Variants in CFAP61 observed in about 807,000 individuals in gnomAD.
The protein encoded by CFAP61 is cilia and flagella associated protein 61.
In CFAP61, 107 loss-of-function variants were observed where a neutral mutation model predicts 135.6. That is an observed-to-expected ratio of 0.79 (90% CI 0.67 to 0.93). The LOEUF (loss-of-function observed/expected upper bound fraction) is 0.93. Among genes scored for constraint, CFAP61 ranks in the 40% least tolerant of loss-of-function variants. The pLI, the probability that CFAP61 is intolerant of heterozygous loss-of-function variation, is 0.00. For missense variants in CFAP61, 1,507 were observed against 1,556.2 expected (o/e 0.97, Z 0.53); for synonymous variants, 575 against 578.5 (o/e 0.99, Z 0.09).
chr20:20,230,924 C>T (rs968106217), intron 18 of CFAP61, among the ~76,000 whole-genome samples: 11 of 152,188 alleles, frequency 7.2e-5, no homozygotes, highest in African/African-American at 2.7e-4. Flanking sequence ...AAAATCCACT[C>T]GAGGCTCAGG....
intron 25 of CFAP61, among the ~76,000 whole-genome samples, chr20:20,314,446 A>C (rs1423303801): frequency 6.6e-6 from 1 of 151,130 alleles, no homozygotes; most frequent in South Asian, 2.1e-4. Context: ...GAAACCATAA[A>C]CCATAGCAGT....
Position 20,359,380 on chromosome 20 carries a change from A to AGAG in CFAP61, c.3514-828_3514-826dup, listed in dbSNP as rs1245122554. On this transcript the variant is annotated intron_variant, in intron 26 of 26. Coordinates refer to ENST00000245957, the MANE Select transcript of CFAP61 (RefSeq NM_015585.4). The surrounding 1 kb of genome is among the most constrained non-coding windows in gnomAD (Gnocchi z 4.0). Reference sequence around the variant, plus strand: ...TTTTAAATTTTTTTATTTTTAAAACAGAGGCAGGGCGTGGTGGCTCATGCC... The same window carrying AGAG: ...TTTTAAATTTTTTTATTTTTAAAACAGAGGAGGCAGGGCGTGGTGGCTCATGCC... Among the ~76,000 whole-genome samples, 1 of 152,140 alleles carries AGAG rather than the reference A, an allele frequency of 6.6e-6. No homozygotes were observed. The highest frequency in any genetic ancestry group is 2.4e-5 in the African/African-American group (1 of 41,434).
intron 22 of CFAP61, among the ~76,000 whole-genome samples, chr20:20,286,694 A>G (rs6046785): frequency 2.6e-5 from 4 of 152,334 alleles, no homozygotes; most frequent in African/African-American, 9.6e-5. Flanking sequence ...CTTGTAACAC[A>G]TGTTCTTATT....
At chr20:20,271,757 A>G (rs1204119019) in intron 21 of CFAP61, among the ~76,000 whole-genome samples, 1 of 152,166 alleles carries the variant, frequency 6.6e-6, no homozygotes, top group Non-Finnish European at 1.5e-5. Flanking sequence ...GAGTGTTCTT[A>G]TCATTTGTTA....
rs111472581 is a variant in CFAP61 at position 20,090,877 on chromosome 20, T to A, written c.600T>A (p.Phe200Leu). 9,505 of 1,614,068 alleles carry A rather than the reference T, an allele frequency of 5.9e-3. 83 individuals carry two copies. The highest frequency in any genetic ancestry group is 0.04 in the Middle Eastern group (241 of 6,062). The change falls in exon 7 of 27, where the codon TTT (phenylalanine) becomes TTA (leucine). Residue 200 changes from phenylalanine to leucine, a missense_variant. Phe to Leu is a conservative substitution (Grantham distance 22, BLOSUM62 0). Coordinates refer to ENST00000245957, the MANE Select transcript of CFAP61 (RefSeq NM_015585.4). ...ACCATGACGATCTCATGCCAATATTTATGCGCTATGACACAATTCTGAAGG... is the reference window on the plus strand; with the variant it reads ...ACCATGACGATCTCATGCCAATATTAATGCGCTATGACACAATTCTGAAGG... Reference protein sequence around the residue: ...VEDHDDLMPIFMRYDTILKET... With the variant: ...VEDHDDLMPILMRYDTILKET...
intron 8 of CFAP61, among the ~76,000 whole-genome samples, chr20:20,099,774 A>G (rs2047880050): frequency 6.6e-6 from 1 of 152,220 alleles, no homozygotes; most frequent in Non-Finnish European, 1.5e-5. Flanking sequence ...GATTACACCA[A>G]GATTGTTCAG....
intron 11 of CFAP61, among the ~76,000 whole-genome samples, chr20:20,165,353 C>G (rs1279829602): frequency 1.3e-5 from 2 of 152,304 alleles, no homozygotes; most frequent in African/African-American, 4.8e-5. Context: ...AGCTCATGCT[C>G]CATGCCAAAT....
chr20:20,067,688 ATT>A lies in CFAP61; in HGVS notation c.144-3160_144-3159del, dbSNP rs201512692. Among the ~76,000 whole-genome samples the A allele has an allele frequency of 6.9e-3, 992 of 143,258 alleles. 14 individuals carry two copies. The highest frequency in any genetic ancestry group is 0.021 in the African/African-American group (844 of 39,306). The allele number at this position is 143,258 out of a possible 152,430, so 94.0% of individuals were successfully genotyped here. A position where few individuals can be genotyped will look rare whatever the true frequency, so the allele number is the denominator to read the frequency against. ...AATATATATATTTATATTATATATA[ATT>A]TTTTTATATATTCATATTTTATATA... is the stretch of plus-strand genomic sequence containing the variant. On this transcript the variant is annotated intron_variant, in intron 2 of 26. Coordinates refer to ENST00000245957, the MANE Select transcript of CFAP61 (RefSeq NM_015585.4).
intron 8 of CFAP61, among the ~76,000 whole-genome samples, chr20:20,119,080 C>CT (rs926910349): frequency 6.6e-6 from 1 of 151,910 alleles, no homozygotes; most frequent in Non-Finnish European, 1.5e-5. Context: ...CTGTAGTTTT[C>CT]TTTTTTTGTT....
At chr20:20,284,359 C>G (rs2054425797) in intron 22 of CFAP61, among the ~76,000 whole-genome samples, 1 of 151,880 alleles carries the variant, frequency 6.6e-6, no homozygotes. Context: ...GATCTCAGCT[C>G]ACTGCAAACT....
intron 25 of CFAP61, among the ~76,000 whole-genome samples, chr20:20,317,345 CCT>C (rs759176690): frequency 1.3e-5 from 2 of 152,138 alleles, no homozygotes; most frequent in Non-Finnish European, 2.9e-5. Flanking sequence ...CTGCACAGCT[CCT>C]CTCTCTGCCC....
intron 20 of CFAP61, among the ~76,000 whole-genome samples, chr20:20,261,663 G>C (rs1007355): frequency 0.69 from 105,393 of 151,940 alleles, 36,888 homozygotes; most frequent in East Asian, 0.96. Flanking sequence ...TAATTTGAAC[G>C]AATATAATAA....
chr20:20,165,859 T>C (rs1250544461), intron 11 of CFAP61, among the ~76,000 whole-genome samples: 2 of 152,228 alleles, frequency 1.3e-5, no homozygotes, highest in African/African-American at 4.8e-5. Context: ...TTATTCTAAT[T>C]ATGTTGTAGA....
At chr20:20,312,591 G>T (rs1347684847) in intron 25 of CFAP61, among the ~76,000 whole-genome samples, 2 of 152,076 alleles carry the variant, frequency 1.3e-5, no homozygotes, top group Non-Finnish European at 2.9e-5. Flanking sequence ...ACAAATCTGA[G>T]AAGCTCAGTG....
intron 25 of CFAP61, among the ~76,000 whole-genome samples, chr20:20,298,768 C>A (rs113048990): frequency 2.0e-5 from 3 of 152,176 alleles, no homozygotes; most frequent in Admixed American, 6.5e-5. Context: ...TGGGACTCCG[C>A]GATCATGGGA....
intron 26 of CFAP61, among the ~76,000 whole-genome samples, chr20:20,346,197 G>A (rs1283001051): frequency 1.3e-4 from 19 of 142,126 alleles, no homozygotes; most frequent in Non-Finnish European, 2.1e-4. Flanking sequence ...CACCGCGCCC[G>A]GCCGATTGTG....
chr20:20,355,395 A>G (rs1450560026), intron 26 of CFAP61, among the ~76,000 whole-genome samples: 13 of 36,386 alleles, frequency 3.6e-4, no homozygotes, highest in Admixed American at 6.4e-4. Flanking sequence ...GTGAGCAGAG[A>G]TGGTCACACT....
At chr20:20,322,668 GA>G (rs929390276) in intron 25 of CFAP61, 1 of 985,258 alleles carries the variant, frequency 1.0e-6, no homozygotes, top group African/African-American at 1.7e-5. Flanking sequence ...TCTTCCAGCA[GA>G]AACAGTTACC....
intron 8 of CFAP61, among the ~76,000 whole-genome samples, chr20:20,101,413 C>T (rs2048009827): frequency 6.6e-6 from 1 of 152,030 alleles, no homozygotes; most frequent in Non-Finnish European, 1.5e-5. Context: ...AGGTTCTCTC[C>T]ATTTTTTACT....
Sources: gnomAD v4.1 joint callset for allele counts (sites outside exome capture counted in the v4.1 genomes callset) on GRCh38, gnomAD v4.1.1 for gene constraint, Gnocchi (gnomAD v3.1) non-coding constraint, MANE v1.5 for transcripts, NCBI Gene and HGNC (gene_info 2026-07-23, HGNC 2026-07-21) for gene names.